The following NKAP variants were observed in gnomAD, a reference collection of about 807,000 sequenced individuals.
The protein encoded by NKAP is NF-kappa-B-activating protein.
Under a neutral mutation model 35.6 loss-of-function variants are expected in NKAP, and 4 were observed. The ratio of observed to expected loss-of-function variants is 0.11; its 90% CI spans 0.06 to 0.26. The LOEUF (loss-of-function observed/expected upper bound fraction) is 0.26. Ranked by LOEUF, NKAP falls within the 10% of genes least tolerant of loss-of-function variation. The pLI is 1.00. For synonymous variants in NKAP, 106 were observed against 119.2 expected (o/e 0.89, Z 0.72); for missense variants, 238 against 321.9 (o/e 0.74, Z 1.99).
In NKAP at chrX:119,924,537, C is replaced by CA. The variant is rs2056700855; in HGVS notation, c.*682_*683insT. 9.4e-6 allele frequency: 1 copy of CA among 106,725 alleles called. No homozygotes were observed. Among genetic ancestry groups the CA allele is most frequent in the South Asian group, 4.1e-4 (1 of 2,426 alleles). The allele number at this position is 106,725 out of a possible 1,213,427, so 8.8% of individuals were successfully genotyped here. A position where few individuals can be genotyped will look rare whatever the true frequency, so the allele number is the denominator to read the frequency against. On this transcript the variant is annotated 3_prime_UTR_variant, in exon 9 of 9. Transcript: ENST00000371410. ...TCCCGAGTAGTTGGGATTACAGGCG[C>CA]CCACCACCACGCCCGGCTAATTTTT...
intron 5 of NKAP, 148 bp from the exon 6 acceptor site, chrX:119,932,364 T>C (rs997724876): frequency 5.2e-6 from 2 of 384,156 alleles, no homozygotes; most frequent in African/African-American, 2.6e-5. Context: ...ATGATCTGAA[T>C]TCCCAGCTTA....
chrX:119,943,455 C>G lies in NKAP; in HGVS notation c.151G>C (p.Gly51Arg), dbSNP rs2056803776. 6 of 1,210,897 alleles carry G rather than the reference C, an allele frequency of 5.0e-6. No homozygotes were observed. The highest frequency in any genetic ancestry group is 6.7e-6 in the Non-Finnish European group (6 of 894,824). Reference protein sequence around the residue: ...RSRSHSCSRSGDRNGLTHQLG... With the variant: ...RSRSHSCSRSRDRNGLTHQLG... ...TGATGGGTGAGTCCATTCCGGTCCC[C>G]GGACCGAGAGCAAGAGTGCGAGCGA... Residue 51 changes from glycine to arginine, a missense_variant, in exon 1 of 9, where the codon GGG becomes CGG. By Grantham distance (125) the Gly-to-Arg change is moderately radical. This residue lies in a region of NKAP where 123 missense variants were observed against 115.3 expected (regional missense o/e 1.07). Transcript: ENST00000371410.
intron 8 of NKAP, among the ~76,000 whole-genome samples, chrX:119,928,191 C>G (rs187845863): frequency 7.7e-4 from 86 of 112,056 alleles, no homozygotes; most frequent in African/African-American, 2.6e-3. Flanking sequence ...TATTCTGACA[C>G]TGTTATAAAC....
chrX:119,930,761 T>G (rs939117623), intron 7 of NKAP, among the ~76,000 whole-genome samples: 1 of 109,334 alleles, frequency 9.1e-6, no homozygotes, highest in Non-Finnish European at 1.9e-5. Flanking sequence ...GAGGTTGCAG[T>G]GAGCCGAGAT....
rs1024009417 is a variant in NKAP at position 119,934,083 on chromosome X, C to T, written c.737+411G>A. On this transcript the variant is annotated intron_variant, in intron 5 of 8. Coordinates refer to ENST00000371410, the MANE Select transcript of NKAP (RefSeq NM_024528.4). ...GCCCATGAGTTGATAATTATTTAGA[C>T]TGCATGACAGGTGCAGGAAGGATCA... Among the ~76,000 whole-genome samples, 4 of 111,617 alleles carry T rather than the reference C, an allele frequency of 3.6e-5. 1 individual carries two copies. In the Admixed American group the frequency reaches 3.8e-4, roughly 11 times the overall value.
At chrX:119,943,193 AAGAG>A in intron 1 of NKAP, 23 bp downstream of exon 1, 2 of 1,157,314 alleles carry the variant, frequency 1.7e-6, no homozygotes, top group Non-Finnish European at 2.3e-6. Context: ...AGGCTCGTAC[AAGAG>A]AAAGTGCGGC....
intron 1 of NKAP, among the ~76,000 whole-genome samples, chrX:119,939,813 C>T (rs1336461311): frequency 1.8e-5 from 2 of 108,792 alleles, no homozygotes; most frequent in East Asian, 3.0e-4. Flanking sequence ...GCAGGAGAAT[C>T]GCTTAAACCC....
chrX:119,932,455 T>TA (rs60446056), intron 5 of NKAP: 25,707 of 176,104 alleles, frequency 0.15, 2,167 homozygotes, highest in African/African-American at 0.41. Context: ...CCGTCTCTAT[T>TA]AAAAAAAAAA....
At chrX:119,934,700 C>T in intron 4 of NKAP, 143 bp from the exon 5 acceptor site, 1 of 391,288 alleles carries the variant, frequency 2.6e-6, no homozygotes, top group Non-Finnish European at 4.3e-6. Context: ...TGCTATTTGT[C>T]ACGAACTGTA....
intron 5 of NKAP, 37 bp from the exon 6 acceptor site, chrX:119,932,253 C>A: frequency 9.9e-7 from 1 of 1,008,307 alleles, no homozygotes; most frequent in East Asian, 3.1e-5. Flanking sequence ...TTCACTTAAT[C>A]TTCCTATGTT....
intron 2 of NKAP, among the ~76,000 whole-genome samples, chrX:119,938,404 G>A (rs2056777144): frequency 9.0e-6 from 1 of 110,625 alleles, no homozygotes; most frequent in Non-Finnish European, 1.9e-5. Context: ...TCTTTGTAAT[G>A]TTAATATCTG....
Position 119,943,492 on chromosome X carries a change from C to T in NKAP, c.114G>A (p.Arg38=). The stretch of plus-strand genomic sequence containing the variant: ...AAGAGTGCGAGCGAGAGCGGCGGCC[C>T]CGCGGGGAGCGGGCAGATTTGCTGG... The part of the protein sequence containing the change: ...PKPSKSARSP[R]GRRSRSHSCS... The change falls in exon 1 of 9, where the codon CGG becomes CGA. Residue 38 remains arginine (R), a synonymous_variant. Transcript: ENST00000371410. 8.3e-7 allele frequency: 1 copy of T among 1,211,096 alleles called. No homozygotes were observed. The highest frequency in any genetic ancestry group is 1.8e-5 in the South Asian group (1 of 56,937).
Position 119,943,209 on chromosome X carries a change from G to A in NKAP, c.386+11C>T, listed in dbSNP as rs201213008. On this transcript the variant is annotated intron_variant, in intron 1 of 8. Transcript: ENST00000371410. ...GGCTCGTACAAGAGAAAGTGCGGCC[G>A]TCTCACTCACTTCTGCCGCAGGCTC... is the stretch of plus-strand genomic sequence containing the variant. 16 of 1,164,956 alleles carry A rather than the reference G, an allele frequency of 1.4e-5. No homozygotes were observed. The Admixed American group carries it at 2.6e-4, about 19-fold the overall frequency.
chrX:119,929,220 A>C, intron 8 of NKAP, among the ~76,000 whole-genome samples: 1 of 111,717 alleles, frequency 9.0e-6, no homozygotes, highest in Non-Finnish European at 1.9e-5. Flanking sequence ...TTGTGTCTCT[A>C]ATTTCTTTTT....
intron 8 of NKAP, 50 bp downstream of exon 8, chrX:119,929,966 A>T: frequency 9.2e-7 from 1 of 1,091,838 alleles, no homozygotes; most frequent in Non-Finnish European, 1.2e-6. Context: ...GTAGTAAAAA[A>T]GAAGAAAAAG....
At chrX:119,943,022 T>C (rs906129986) in intron 1 of NKAP, 198 bp downstream of exon 1, 7 of 466,792 alleles carry the variant, frequency 1.5e-5, no homozygotes, top group Middle Eastern at 6.2e-4. Flanking sequence ...CAGGGCACTA[T>C]ATGAAGGGGC....
rs764903563 is a variant in NKAP at position 119,943,579 on chromosome X, G to A, written c.27C>T (p.Ser9=). 8.4e-7 allele frequency: 1 copy of A among 1,190,367 alleles called. No homozygotes were observed. Among genetic ancestry groups the A allele is most frequent in the South Asian group, 1.9e-5 (1 of 53,861 alleles). ...CCGAGCCCGAGGCCTCCCTATCCGG[G>A]CTGCGTGAGCCGGACACCGGAGCCA... MAPVSGSR[S]PDREASGSGG... The change falls in exon 1 of 9, where the codon AGC becomes AGT. Residue 9 remains serine, a synonymous_variant. Coordinates refer to ENST00000371410, the MANE Select transcript of NKAP (RefSeq NM_024528.4).
rs2056684702 is a variant in NKAP at position 119,920,685 on chromosome X, T to C, written c.*4535A>G. The C allele has an allele frequency of 1.3e-6, 1 of 752,203 alleles. No individual in the cohort carries two copies. Among genetic ancestry groups the C allele is most frequent in the African/African-American group, 2.0e-5 (1 of 48,783 alleles). The allele number at this position is 752,203 out of a possible 1,213,427, so 62.0% of individuals were successfully genotyped here. ...CAATACAGCACGTCAAACCACAGAA[T>C]ATTTATTGAGTAATAAACTTGTGGC... On this transcript the variant is annotated 3_prime_UTR_variant, in exon 9 of 9. Coordinates refer to ENST00000371410, the MANE Select transcript of NKAP (RefSeq NM_024528.4).
At chrX:119,927,325 T>G (rs12392645) in intron 8 of NKAP, among the ~76,000 whole-genome samples, 1,455 of 109,039 alleles carry the variant, frequency 0.013, 35 homozygotes, top group African/African-American at 0.046. Flanking sequence ...ACGTGTATGG[T>G]TATCTTTGGG....
Sources: allele counts gnomAD v4.1 joint callset (sites outside exome capture counted in the v4.1 genomes callset), GRCh38; gene constraint gnomAD v4.1.1; regional missense constraint gnomAD v4.1.1; transcripts MANE v1.5; gene names NCBI Gene and HGNC (gene_info 2026-07-23, HGNC 2026-07-21).